The following KIAA1217 variants were observed in gnomAD, a reference collection of about 807,000 sequenced individuals.
The protein encoded by KIAA1217 is KIAA1217.
KIAA1217 carries 88 observed loss-of-function variants against 163.9 expected under a neutral mutation model. That is an observed-to-expected ratio of 0.54 (90% CI 0.45 to 0.64). The LOEUF (loss-of-function observed/expected upper bound fraction) is 0.64. Among genes scored for constraint, KIAA1217 ranks in the 30% least tolerant of loss-of-function variants. The pLI, the probability that KIAA1217 is intolerant of heterozygous loss-of-function variation, is 0.00. For synonymous variants in KIAA1217, 903 were observed against 923.1 expected (o/e 0.98, Z 0.39); for missense variants, 2,372 against 2,475.0 (o/e 0.96, Z 0.88).
intron 9 of KIAA1217, among the ~76,000 whole-genome samples, chr10:24,502,987 A>C (rs2067864305): frequency 6.6e-6 from 1 of 152,130 alleles, no homozygotes; most frequent in Non-Finnish European, 1.5e-5. Flanking sequence ...CTATGTCTCA[A>C]AAAAAACAAG....
intron 2 of KIAA1217, among the ~76,000 whole-genome samples, chr10:24,184,837 T>C (rs1267916135): frequency 1.3e-5 from 2 of 152,244 alleles, no homozygotes; most frequent in African/African-American, 4.8e-5. Context: ...AGATGAGGTC[T>C]TTATACTTGG....
intron 1 of KIAA1217, among the ~76,000 whole-genome samples, chr10:23,770,556 G>GC (rs1328525771): frequency 2.0e-5 from 3 of 152,142 alleles, no homozygotes; most frequent in Admixed American, 6.5e-5. Context: ...TGCTACATTG[G>GC]CCCCTGAGGA....
chr10:24,449,324 A>AT (rs967829323), intron 5 of KIAA1217: 3,792 of 313,568 alleles, frequency 0.012, 1 homozygote, highest in Middle Eastern at 0.019. Flanking sequence ...TCCTTGTACT[A>AT]TTTTTTTTTT....
At chr10:23,940,400 C>T (rs1843710547) in intron 1 of KIAA1217, among the ~76,000 whole-genome samples, 1 of 132,332 alleles carries the variant, frequency 7.6e-6, no homozygotes, top group African/African-American at 2.9e-5. Context: ...GCGGAGTTTG[C>T]AGTGAGCCGA....
chr10:24,208,941 G>T (rs900819580), upstream of KIAA1217: 6 of 338,548 alleles, frequency 1.8e-5, no homozygotes, highest in Middle Eastern at 1.0e-3. Context: ...GCCTGAGGAC[G>T]GACGGACGGA....
chr10:24,397,108 CTTTTTT>C (rs34660362), intron 3 of KIAA1217, among the ~76,000 whole-genome samples: 8 of 114,734 alleles, frequency 7.0e-5, no homozygotes, highest in African/African-American at 2.7e-4. Context: ...GTAAGAAACT[CTTTTTT>C]TTTTTTTTTT....
chr10:24,472,020 T>C (rs2063576938), intron 5 of KIAA1217, among the ~76,000 whole-genome samples: 1 of 152,062 alleles, frequency 6.6e-6, no homozygotes, highest in Non-Finnish European at 1.5e-5. Context: ...TTGAATGTTA[T>C]ATATATTATA....
intron 2 of KIAA1217, among the ~76,000 whole-genome samples, chr10:24,021,597 C>A (rs1367468101): frequency 1.6e-4 from 25 of 151,788 alleles, no homozygotes; most frequent in Admixed American, 1.5e-3. Context: ...ACAAACTGAT[C>A]TAAAGTTTAC....
chr10:24,270,648 C>A (rs897039291), intron 2 of KIAA1217, among the ~76,000 whole-genome samples: 4 of 152,210 alleles, frequency 2.6e-5, no homozygotes, highest in Non-Finnish European at 5.9e-5. Context: ...TCAAGAGATT[C>A]TCCTGCCTCA....
chr10:24,294,060 C>G (rs1338251236), intron 2 of KIAA1217, among the ~76,000 whole-genome samples: 1 of 151,958 alleles, frequency 6.6e-6, no homozygotes, highest in Non-Finnish European at 1.5e-5. Flanking sequence ...GGCGTGGTGG[C>G]AGGCGCCTGT....
At chr10:24,451,852 T>C (rs1194423848) in intron 5 of KIAA1217, among the ~76,000 whole-genome samples, 1 of 152,224 alleles carries the variant, frequency 6.6e-6, no homozygotes, top group African/African-American at 2.4e-5. Flanking sequence ...GCATCCCTTG[T>C]ACCTGCATGT....
chr10:23,827,588 G>A (rs907670768), intron 1 of KIAA1217, among the ~76,000 whole-genome samples: 6 of 152,162 alleles, frequency 3.9e-5, no homozygotes, highest in Non-Finnish European at 7.4e-5. Flanking sequence ...GAGCAGTAAG[G>A]ACGATTGTGT....
At chr10:24,030,721 T>A (rs1025599509) in intron 2 of KIAA1217, among the ~76,000 whole-genome samples, 1 of 152,176 alleles carries the variant, frequency 6.6e-6, no homozygotes, top group Non-Finnish European at 1.5e-5. Flanking sequence ...TCTATCTGCA[T>A]GAATTTGGCA....
chr10:23,907,869 G>GA (rs1842236764), intron 1 of KIAA1217, among the ~76,000 whole-genome samples: 1 of 151,612 alleles, frequency 6.6e-6, no homozygotes, highest in South Asian at 2.1e-4. Flanking sequence ...CCCCTATGGG[G>GA]AAAAAACAAT....
At chr10:24,375,290 G>A (rs977766495) in intron 2 of KIAA1217, among the ~76,000 whole-genome samples, 2 of 152,280 alleles carry the variant, frequency 1.3e-5, no homozygotes, top group East Asian at 3.9e-4. Context: ...CCTCAACCCA[G>A]CATGGACATT....
At chr10:23,703,964 T>C (rs1447839563) in intron 1 of KIAA1217, among the ~76,000 whole-genome samples, 1 of 149,490 alleles carries the variant, frequency 6.7e-6, no homozygotes. Context: ...AGGTTGAGAG[T>C]TAGATTGGGT....
intron 2 of KIAA1217, among the ~76,000 whole-genome samples, chr10:24,232,099 A>G (rs1389072535): frequency 6.6e-6 from 1 of 152,218 alleles, no homozygotes; most frequent in Non-Finnish European, 1.5e-5. Flanking sequence ...GTGGCCGAGG[A>G]CTGACACTTT....
intron 1 of KIAA1217, among the ~76,000 whole-genome samples, chr10:23,988,700 G>T (rs1220167684): frequency 6.6e-6 from 1 of 152,188 alleles, no homozygotes; most frequent in African/African-American, 2.4e-5. Context: ...GAACTATACA[G>T]TGTCAGCCTA....
chr10:23,751,001 C>T (rs557818545), intron 1 of KIAA1217, among the ~76,000 whole-genome samples: 1 of 150,220 alleles, frequency 6.7e-6, no homozygotes, highest in African/African-American at 2.5e-5. Flanking sequence ...CCTTCCCTTC[C>T]CTTTGTTTTT....
Sources: allele counts gnomAD v4.1 joint callset (sites outside exome capture counted in the v4.1 genomes callset), GRCh38; gene constraint gnomAD v4.1.1; transcripts MANE v1.5; gene names NCBI Gene and HGNC (gene_info 2026-07-23, HGNC 2026-07-21).